The following PSPH variants were observed in gnomAD, a reference collection of about 807,000 sequenced individuals.
The protein encoded by PSPH is phosphoserine phosphatase, also known as L-3-phosphoserine phosphatase.
PSPH carries 16 observed loss-of-function variants against 23.4 expected under a neutral mutation model. That is an observed-to-expected ratio of 0.68 (90% CI 0.46 to 1.04). The LOEUF is 1.04. Ranked by LOEUF, PSPH falls within the 50% of genes least tolerant of loss-of-function variation. The pLI is 0.00. For synonymous variants in PSPH, 68 were observed against 99.7 expected (o/e 0.68, Z 1.89); for missense variants, 223 against 273.7 (o/e 0.81, Z 1.31).
intron 7 of PSPH, among the ~76,000 whole-genome samples, chr7:56,012,513 G>A (rs1452406673): frequency 6.6e-6 from 1 of 151,816 alleles, no homozygotes; most frequent in Non-Finnish European, 1.5e-5. Context: ...GAGATTGGGA[G>A]CTCCCTGAGA....
At chr7:56,026,092 T>C (rs1240283078) in intron 3 of PSPH, among the ~76,000 whole-genome samples, 1 of 152,188 alleles carries the variant, frequency 6.6e-6, no homozygotes, top group Non-Finnish European at 1.5e-5. Context: ...CTTCTATCTC[T>C]GCACCCAGCA....
intron 7 of PSPH, among the ~76,000 whole-genome samples, chr7:56,014,295 C>G (rs918568544): frequency 1.3e-5 from 2 of 152,174 alleles, no homozygotes; most frequent in African/African-American, 4.8e-5. Context: ...ATTGAGCACA[C>G]ACCTAGGCTA....
intron 7 of PSPH, among the ~76,000 whole-genome samples, chr7:56,013,376 A>G (rs995710665): frequency 1.3e-5 from 2 of 152,020 alleles, no homozygotes; most frequent in African/African-American, 4.8e-5. Flanking sequence ...AAAATTAGAT[A>G]GGTGTGGTGG....
intron 2 of PSPH, among the ~76,000 whole-genome samples, 158 bp from the exon 3 acceptor site, chr7:56,032,212 C>T (rs1791089183): frequency 6.6e-6 from 1 of 152,166 alleles, no homozygotes; most frequent in Non-Finnish European, 1.5e-5. Flanking sequence ...TTTACTCCTA[C>T]CCACCTTCAA....
At chr7:56,050,854 T>C (rs1376489371) in intron 1 of PSPH, among the ~76,000 whole-genome samples, 2 of 152,120 alleles carry the variant, frequency 1.3e-5, no homozygotes, top group South Asian at 4.1e-4. Context: ...TTGGTGCCTT[T>C]TGAATTCAGA....
chr7:56,035,705 C>T (rs562717542), intron 1 of PSPH, among the ~76,000 whole-genome samples: 17 of 151,900 alleles, frequency 1.1e-4, no homozygotes, highest in East Asian at 6.0e-4. Flanking sequence ...TTGCAACCTC[C>T]GCCTCCTGGG....
At chr7:56,025,303 G>A (rs7793536) in intron 3 of PSPH, among the ~76,000 whole-genome samples, 26,484 of 148,122 alleles carry the variant, frequency 0.18, 2,936 homozygotes, top group East Asian at 0.39. Context: ...TTTGAGTTAG[G>A]GCCTCACTCT....
intron 3 of PSPH, among the ~76,000 whole-genome samples, chr7:56,027,645 C>T (rs1790388080): frequency 6.7e-6 from 1 of 149,078 alleles, no homozygotes; most frequent in African/African-American, 2.5e-5. Context: ...CGAGATCCCA[C>T]CACTGCACTC....
At chr7:56,022,948 T>A (rs6973917) in intron 3 of PSPH, among the ~76,000 whole-genome samples, 122,279 of 152,092 alleles carry the variant, frequency 0.8, 49,910 homozygotes, top group African/African-American at 0.95. Flanking sequence ...AGTCCCAGCT[T>A]CTCAGAAGGC....
At chr7:56,018,705 T>C (rs1163248458) in intron 5 of PSPH, among the ~76,000 whole-genome samples, 1 of 151,796 alleles carries the variant, frequency 6.6e-6, no homozygotes, top group Non-Finnish European at 1.5e-5. Context: ...CTCAAACCTA[T>C]AATTCCAACA....
chr7:56,013,102 T>C (rs915139446), intron 7 of PSPH, among the ~76,000 whole-genome samples: 3 of 149,816 alleles, frequency 2.0e-5, no homozygotes, highest in Non-Finnish European at 4.4e-5. Flanking sequence ...TATATACATA[T>C]GTGTGTATAT....
At chr7:56,018,249 C>G (rs183995669) in intron 5 of PSPH, among the ~76,000 whole-genome samples, 3 of 152,076 alleles carry the variant, frequency 2.0e-5, no homozygotes, top group Non-Finnish European at 4.4e-5. Flanking sequence ...GAGGCTGAGG[C>G]AGGAGAATTG....
chr7:56,047,453 A>G (rs1243603032), intron 1 of PSPH, among the ~76,000 whole-genome samples: 1 of 152,094 alleles, frequency 6.6e-6, no homozygotes, highest in Non-Finnish European at 1.5e-5. Flanking sequence ...AAAACAGAAC[A>G]GTCACATATT....
In PSPH at chr7:56,034,112, A is replaced by T. The variant is rs1293455314; in HGVS notation, c.-291-6T>A. ...GAACGCTCTCTTGAGATCTGCTGAT[A>T]AGCGGGGTGGCTTCTGATGAGTTCT... On this transcript the variant is annotated splice_region_variant and splice_polypyrimidine_tract_variant and intron_variant, in intron 1 of 7. Transcript: ENST00000275605. 6.6e-6 allele frequency: 1 copy of T among 152,406 alleles called. No homozygotes were observed. Among genetic ancestry groups the T allele is most frequent in the Non-Finnish European group, 1.5e-5 (1 of 68,184 alleles). The allele number at this position is 152,406 out of a possible 1,614,324, so 9.4% of individuals were successfully genotyped here. A position where few individuals can be genotyped will look rare whatever the true frequency, so the allele number is the denominator to read the frequency against.
At chr7:56,033,104 C>G (rs1791252575) in intron 2 of PSPH, 1 of 152,130 alleles carries the variant, frequency 6.6e-6, no homozygotes, top group African/African-American at 2.4e-5. Flanking sequence ...CACGGTAATA[C>G]AGAAATCTTG....
At chr7:56,021,425 C>CTTTTTT (rs60876463) in intron 3 of PSPH, among the ~76,000 whole-genome samples, 194 bp from the exon 4 acceptor site, 1 of 130,770 alleles carries the variant, frequency 7.6e-6, no homozygotes, top group Non-Finnish European at 1.6e-5. Context: ...TTCTTTCTTT[C>CTTTTTT]TTTTTTTTTT....
At chr7:56,025,258 T>G (rs995181978) in intron 3 of PSPH, among the ~76,000 whole-genome samples, 1 of 151,794 alleles carries the variant, frequency 6.6e-6, no homozygotes, top group Non-Finnish European at 1.5e-5. Context: ...CACATGCACA[T>G]GCACACACAT....
At chr7:56,031,073 C>T (rs1422955093) in intron 3 of PSPH, among the ~76,000 whole-genome samples, 35 of 149,960 alleles carry the variant, frequency 2.3e-4, no homozygotes, top group Non-Finnish European at 4.2e-4. Flanking sequence ...TAGCCGGGCG[C>T]GGTGGCGGGC....
intron 2 of PSPH, chr7:56,033,484 C>T (rs1302943174): frequency 2.9e-5 from 4 of 140,316 alleles, no homozygotes; most frequent in Non-Finnish European, 6.1e-5. Context: ...GGCGACAGAA[C>T]GAGACTCTGT....
Sources: allele counts gnomAD v4.1 joint callset (sites outside exome capture counted in the v4.1 genomes callset), GRCh38; gene constraint gnomAD v4.1.1; transcripts MANE v1.5; gene names NCBI Gene and HGNC (gene_info 2026-07-23, HGNC 2026-07-21).